TMEM132C: variants seen among roughly 807,000 people sequenced by gnomAD.
TMEM132C encodes the protein protein phosphatase 1, regulatory subunit 152.
Under a neutral mutation model 61.4 loss-of-function variants are expected in TMEM132C, and 29 were observed. The ratio of observed to expected loss-of-function variants is 0.47; its 90% CI spans 0.35 to 0.64. TMEM132C has a LOEUF of 0.64. Among genes scored for constraint, TMEM132C ranks in the 30% least tolerant of loss-of-function variants. The probability of loss-of-function intolerance (pLI) is 0.00; values close to 1 mark genes in which losing one functional copy is unlikely to be tolerated. For missense variants in TMEM132C, 1,408 were observed against 1,476.9 expected, an observed-to-expected ratio of 0.95 and a Z score of 0.76; for synonymous variants, 656 against 633.1, an observed-to-expected ratio of 1.04 and a Z score of -0.54.
intron 3 of TMEM132C, among the ~76,000 whole-genome samples, chr12:128,551,942 G>A (rs1040443385): frequency 2.0e-5 from 3 of 152,196 alleles, no homozygotes; most frequent in African/African-American, 7.2e-5. Context: ...AGCATTCCTG[G>A]AGCCTTACTT....
intron 2 of TMEM132C, among the ~76,000 whole-genome samples, chr12:128,424,069 A>AAAAAAG (rs1267892355): frequency 6.7e-6 from 1 of 149,162 alleles, no homozygotes; most frequent in Admixed American, 6.7e-5. Context: ...AAAAAAAAAA[A>AAAAAAG]ACTTTGGGAG....
intron 3 of TMEM132C, among the ~76,000 whole-genome samples, chr12:128,550,427 G>A (rs767795980): frequency 7.2e-5 from 11 of 151,764 alleles, no homozygotes; most frequent in Non-Finnish European, 1.0e-4. Flanking sequence ...CAAGCGATCC[G>A]CCAAGTAGCT....
At chr12:128,615,633 C>G (rs1047434604) in intron 3 of TMEM132C, among the ~76,000 whole-genome samples, 2 of 152,076 alleles carry the variant, frequency 1.3e-5, no homozygotes, top group African/African-American at 4.8e-5. Flanking sequence ...AGGTGGAGCT[C>G]AGGTGATAAT....
At chr12:128,429,061 G>A (rs567406884) in intron 2 of TMEM132C, among the ~76,000 whole-genome samples, 165 of 152,286 alleles carry the variant, frequency 1.1e-3, no homozygotes, top group Non-Finnish European at 2.0e-3. Context: ...TCCCATCTCT[G>A]TAGCAGCATC....
chr12:128,701,105 A>T (rs550560838), intron 8 of TMEM132C, among the ~76,000 whole-genome samples: 1 of 152,248 alleles, frequency 6.6e-6, no homozygotes, highest in African/African-American at 2.4e-5. Flanking sequence ...GGGGCAAGGG[A>T]TCTGGGATAA....
At chr12:128,497,948 C>G (rs1274095328) in intron 2 of TMEM132C, among the ~76,000 whole-genome samples, 1 of 152,068 alleles carries the variant, frequency 6.6e-6, no homozygotes, top group East Asian at 1.9e-4. Context: ...TGAAGCTGTT[C>G]CTATTCGGCC....
Position 128,619,773 on chromosome 12 carries a change from A to G in TMEM132C, c.1305+3438A>G, listed in dbSNP as rs138630353. 8.1e-4 allele frequency among the ~76,000 whole-genome samples: 123 copies of G among 152,344 alleles called. 1 individual carries two copies. The highest frequency in any genetic ancestry group is 2.8e-3 in the African/African-American group (117 of 41,588). ...ATAAAGCTTTCAGAACTACAGAGGA[A>G]GGAGCATTTGGGACAACTAAAATGT... On this transcript the variant is annotated intron_variant, in intron 4 of 8. Transcript: ENST00000435159.
chr12:128,305,033 T>C (rs149708948), intron 1 of TMEM132C, among the ~76,000 whole-genome samples: 6 of 152,042 alleles, frequency 3.9e-5, no homozygotes, highest in East Asian at 1.9e-4. Context: ...TGGGGAGAGA[T>C]AGAAAATGGG....
chr12:128,516,335 G>A (rs759115895), intron 2 of TMEM132C, among the ~76,000 whole-genome samples: 38 of 152,170 alleles, frequency 2.5e-4, no homozygotes, highest in South Asian at 2.1e-3. Context: ...CAGCTCTCAC[G>A]TGCGTTAGGC....
chr12:128,436,520 A>G (rs1331850937), intron 2 of TMEM132C, among the ~76,000 whole-genome samples: 1 of 152,248 alleles, frequency 6.6e-6, no homozygotes, highest in Non-Finnish European at 1.5e-5. Flanking sequence ...GAAGACATTT[A>G]TGCAGCCAAC....
chr12:128,604,663 A>G (rs1876347063), intron 3 of TMEM132C, among the ~76,000 whole-genome samples: 1 of 152,172 alleles, frequency 6.6e-6, no homozygotes, highest in South Asian at 2.1e-4. Flanking sequence ...GATGAAACAA[A>G]TGGATAGATA....
At chr12:128,628,831 G>A (rs1156970729) in intron 4 of TMEM132C, among the ~76,000 whole-genome samples, 2 of 152,206 alleles carry the variant, frequency 1.3e-5, no homozygotes, top group East Asian at 3.8e-4. Context: ...TTGCCTAAAT[G>A]AATGCAGCCC....
At chr12:128,423,629 G>T (rs1219994306) in intron 2 of TMEM132C, among the ~76,000 whole-genome samples, 2 of 152,146 alleles carry the variant, frequency 1.3e-5, no homozygotes, top group African/African-American at 4.8e-5. Context: ...CAGCTACTCT[G>T]GAGGCTAAGG....
intron 5 of TMEM132C, among the ~76,000 whole-genome samples, chr12:128,687,102 T>C (rs905499238): frequency 2.0e-5 from 3 of 148,702 alleles, no homozygotes; most frequent in Non-Finnish European, 4.4e-5. Flanking sequence ...CCCGGGAGGC[T>C]GAGGCAGGGG....
intron 1 of TMEM132C, among the ~76,000 whole-genome samples, chr12:128,304,898 T>C (rs1324433849): frequency 6.6e-6 from 1 of 152,104 alleles, no homozygotes; most frequent in African/African-American, 2.4e-5. Context: ...TTGGATGCCA[T>C]GGGGAGTTGG....
intron 4 of TMEM132C, among the ~76,000 whole-genome samples, chr12:128,636,054 C>A (rs977360902): frequency 1.9e-4 from 29 of 152,102 alleles, no homozygotes; most frequent in Non-Finnish European, 3.4e-4. Flanking sequence ...TTCTTCTCAT[C>A]CACATATTTT....
intron 1 of TMEM132C, among the ~76,000 whole-genome samples, chr12:128,368,766 C>T (rs1873945300): frequency 6.6e-6 from 1 of 152,088 alleles, no homozygotes; most frequent in Non-Finnish European, 1.5e-5. Flanking sequence ...TTTTATCTCA[C>T]ATCCAAGACA....
intron 2 of TMEM132C, among the ~76,000 whole-genome samples, chr12:128,477,251 C>T (rs1430732483): frequency 1.3e-5 from 2 of 152,160 alleles, no homozygotes; most frequent in African/African-American, 4.8e-5. Flanking sequence ...TGGGTAGATG[C>T]ACTTTGCACT....
intron 3 of TMEM132C, among the ~76,000 whole-genome samples, chr12:128,592,368 A>G (rs1875783623): frequency 6.6e-6 from 1 of 152,216 alleles, no homozygotes; most frequent in African/African-American, 2.4e-5. Context: ...CCGTGTTTGC[A>G]TCTTCCCCAA....
Sources: gnomAD v4.1 joint callset for allele counts (sites outside exome capture counted in the v4.1 genomes callset) on GRCh38, gnomAD v4.1.1 for gene constraint, MANE v1.5 for transcripts, NCBI Gene and HGNC (gene_info 2026-07-23, HGNC 2026-07-21) for gene names.